The following BPNT1 variants were observed in gnomAD, a reference collection of about 807,000 sequenced individuals.
The protein encoded by BPNT1 is 3'(2'),5'-bisphosphate nucleotidase 1.
BPNT1 carries 28 observed loss-of-function variants against 36.9 expected under a neutral mutation model. That is an observed-to-expected ratio of 0.76 (90% CI 0.56 to 1.04). The LOEUF is 1.04. Among genes scored for constraint, BPNT1 ranks in the 50% least tolerant of loss-of-function variants. The pLI is 0.00. For missense variants in BPNT1, 313 were observed against 372.9 expected, an observed-to-expected ratio of 0.84 and a Z score of 1.32; for synonymous variants, 119 against 130.9, an observed-to-expected ratio of 0.91 and a Z score of 0.62.
intron 2 of BPNT1, among the ~76,000 whole-genome samples, chr1:220,079,397 C>T (rs979880028): frequency 8.6e-5 from 13 of 152,022 alleles, no homozygotes; most frequent in African/African-American, 2.4e-4. Context: ...GGATTACAGG[C>T]GCTCGCCACC....
At position 220,062,849 on chromosome 1, in the gene BPNT1, T is replaced by C; in HGVS notation, c.580A>G (p.Thr194Ala). The C allele has an allele frequency of 6.2e-7, 1 of 1,614,016 alleles. No individual in the cohort carries two copies. The highest frequency in any genetic ancestry group is 8.5e-7 in the Non-Finnish European group (1 of 1,179,996). ...AACTTGTTGCTATGGGATCGAGTAG[T>C]TGTGATAATGTGTTTCCCAGCAGGG... is the stretch of plus-strand genomic sequence containing the variant. ...EVPAGKHIIT[T>A]TRSHSNKLVT... is the part of the protein sequence containing the mutation. Residue 194 changes from threonine to alanine, a missense_variant, in exon 7 of 9, where the codon ACT becomes GCT. Physicochemically the swap from Thr to Ala is moderately conservative, Grantham distance 58. Coordinates refer to ENST00000322067, the MANE Select transcript of BPNT1 (RefSeq NM_006085.6).
chr1:220,082,083 TATAGAGAGAG>T lies in BPNT1; in HGVS notation c.-8-2239_-8-2230del, dbSNP rs1311384293. ...AGGACAATATATATATATATATATA[TATAGAGAGAG>T]AGAGAGAGAGAGAGAGAGAGAGAGA... On this transcript the variant is annotated intron_variant, in intron 1 of 8. Coordinates refer to ENST00000322067, the MANE Select transcript of BPNT1 (RefSeq NM_006085.6). 3.9e-4 allele frequency among the ~76,000 whole-genome samples: 43 copies of T among 110,838 alleles called. 1 individual carries two copies. The highest frequency in any genetic ancestry group is 2.5e-4 in the East Asian group (1 of 3,924). 72.7% of individuals were successfully genotyped at this position (110,838 alleles called of 152,430 possible).
intron 4 of BPNT1, among the ~76,000 whole-genome samples, chr1:220,072,391 G>A (rs1664145477): frequency 6.6e-6 from 1 of 151,920 alleles, no homozygotes; most frequent in South Asian, 2.1e-4. Context: ...GGTGCTGGTT[G>A]CAGCCTCAAC....
intron 5 of BPNT1, among the ~76,000 whole-genome samples, chr1:220,067,934 A>G (rs1362120677): frequency 1.3e-5 from 2 of 152,202 alleles, no homozygotes; most frequent in African/African-American, 4.8e-5. Context: ...AGGTGCTTTT[A>G]TACACATTAA....
chr1:220,063,123 C>A (rs1203129745), intron 6 of BPNT1, among the ~76,000 whole-genome samples, 169 bp from the exon 7 acceptor site: 1 of 152,030 alleles, frequency 6.6e-6, no homozygotes, highest in Non-Finnish European at 1.5e-5. Context: ...CCGAGGCGGG[C>A]GGATCACGAG....
At chr1:220,087,897 A>G (rs1197419838) in intron 1 of BPNT1, among the ~76,000 whole-genome samples, 1 of 151,976 alleles carries the variant, frequency 6.6e-6, no homozygotes, top group Non-Finnish European at 1.5e-5. Flanking sequence ...ATTTTTTGAG[A>G]CAGAGTTTTT....
chr1:220,064,941 G>T (rs1663403996), intron 6 of BPNT1, among the ~76,000 whole-genome samples: 1 of 152,082 alleles, frequency 6.6e-6, no homozygotes, highest in Non-Finnish European at 1.5e-5. Context: ...CTGAGTAGCT[G>T]GGATTATAGG....
intron 6 of BPNT1, among the ~76,000 whole-genome samples, chr1:220,063,633 A>G (rs190087335): frequency 6.6e-6 from 1 of 152,346 alleles, no homozygotes; most frequent in Admixed American, 6.5e-5. Context: ...ATGTATTGAT[A>G]ACTACTTTTC....
At chr1:220,072,623 A>G (rs1664171297) in intron 4 of BPNT1, among the ~76,000 whole-genome samples, 1 of 152,088 alleles carries the variant, frequency 6.6e-6, no homozygotes, top group Admixed American at 6.6e-5. Context: ...CCCTAAAAGT[A>G]TTTTAAATAA....
intron 4 of BPNT1, among the ~76,000 whole-genome samples, chr1:220,072,478 C>T (rs966524776): frequency 6.6e-6 from 1 of 152,048 alleles, no homozygotes; most frequent in African/African-American, 2.4e-5. Context: ...CCATACCTGG[C>T]TAATTTTTGT....
intron 1 of BPNT1, among the ~76,000 whole-genome samples, chr1:220,083,659 G>A (rs1019082480): frequency 1.3e-5 from 2 of 152,052 alleles, no homozygotes; most frequent in African/African-American, 4.8e-5. Flanking sequence ...ACACGGCCTC[G>A]AACTGCACCG....
intron 1 of BPNT1, among the ~76,000 whole-genome samples, chr1:220,083,150 T>C (rs896234131): frequency 6.7e-6 from 1 of 148,906 alleles, no homozygotes; most frequent in Non-Finnish European, 1.5e-5. Flanking sequence ...GGCAGGAGAA[T>C]CACATGAACC....
At chr1:220,084,182 A>C (rs1655493042) in intron 1 of BPNT1, among the ~76,000 whole-genome samples, 1 of 152,018 alleles carries the variant, frequency 6.6e-6, no homozygotes, top group Non-Finnish European at 1.5e-5. Flanking sequence ...AATACAAAAA[A>C]TTAGTCGGGC....
At chr1:220,066,703 T>C (rs1047251444) in intron 6 of BPNT1, among the ~76,000 whole-genome samples, 2 of 152,176 alleles carry the variant, frequency 1.3e-5, no homozygotes, top group East Asian at 1.9e-4. Context: ...ATCTGATGTA[T>C]AATAGAAAAT....
chr1:220,082,433 G>T (rs1655267231), intron 1 of BPNT1, among the ~76,000 whole-genome samples: 1 of 151,532 alleles, frequency 6.6e-6, no homozygotes, highest in South Asian at 2.1e-4. Context: ...CACCCACCTT[G>T]GCCTCCCAAA....
At chr1:220,086,138 T>G (rs551979170) in intron 1 of BPNT1, among the ~76,000 whole-genome samples, 72 of 152,276 alleles carry the variant, frequency 4.7e-4, no homozygotes, top group Admixed American at 4.3e-3. Flanking sequence ...ACATATGATA[T>G]AAAAGTTTGG....
intron 7 of BPNT1, among the ~76,000 whole-genome samples, chr1:220,060,878 G>A (rs554561227): frequency 1.1e-4 from 17 of 152,182 alleles, no homozygotes; most frequent in Non-Finnish European, 2.1e-4. Context: ...AACTCAAAGC[G>A]GTGGGGGCGG....
At chr1:220,081,334 G>A (rs1341830492) in intron 1 of BPNT1, among the ~76,000 whole-genome samples, 14 of 152,166 alleles carry the variant, frequency 9.2e-5, no homozygotes, top group Admixed American at 7.9e-4. Flanking sequence ...CCTGAGGTCA[G>A]GAGTTTGAGA....
chr1:220,067,264 T>G, intron 6 of BPNT1, 38 bp downstream of exon 6: 1 of 1,357,324 alleles, frequency 7.4e-7, no homozygotes, highest in Admixed American at 2.0e-5. Flanking sequence ...TATAATTATT[T>G]ATCTAATGAA....
Sources: gnomAD v4.1 joint callset for allele counts (sites outside exome capture counted in the v4.1 genomes callset) on GRCh38, gnomAD v4.1.1 for gene constraint, MANE v1.5 for transcripts, NCBI Gene and HGNC (gene_info 2026-07-23, HGNC 2026-07-21) for gene names.